SLC16A7: variants seen among roughly 807,000 people sequenced by gnomAD.
SLC16A7 encodes solute carrier family 16 member 7, also known as monocarboxylate transporter 2.
Under a neutral mutation model 34.9 loss-of-function variants are expected in SLC16A7, and 33 were observed. The ratio of observed to expected loss-of-function variants is 0.94; its 90% confidence interval spans 0.72 to 1.26. The LOEUF (loss-of-function observed/expected upper bound fraction) is 1.26. Among genes scored for constraint, SLC16A7 ranks in the 50% most tolerant of loss-of-function variants. The pLI is 0.00. For synonymous variants in SLC16A7, 201 were observed against 206.6 expected, an observed-to-expected ratio of 0.97 and a Z score of 0.23; for missense variants, 573 against 578.1, an observed-to-expected ratio of 0.99 and a Z score of 0.09.
At position 59,773,684 on chromosome 12, in the gene SLC16A7, C is replaced by A. The variant is rs548582004; in HGVS notation, c.362-973C>A. Among the ~76,000 whole-genome samples, 4 of 152,118 alleles carry A rather than the reference C, an allele frequency of 2.6e-5. No individual in the cohort carries two copies. The East Asian group carries it at 7.8e-4, about 30-fold the overall frequency. ...AGTCCAAGCGATTCTCTTGCCTCAG[C>A]CTACCAAGTAGCTGGGATTACAGGC... On this transcript the variant is annotated intron_variant, in intron 4 of 5. Coordinates refer to ENST00000547379, the MANE Select transcript of SLC16A7 (RefSeq NM_001270623.2).
In SLC16A7 at chr12:59,622,328, T is replaced by C. The variant is rs566830710; in HGVS notation, c.-130+26092T>C. ...ATTTAAAATAGAACACAGAACTTGG[T>C]CAAACATTTCAGTCCTACATATATT... On this transcript the variant is annotated intron_variant, in intron 1 of 5. Transcript: ENST00000547379. Among the ~76,000 whole-genome samples, 47 of 151,992 alleles carry C rather than the reference T, an allele frequency of 3.1e-4. No individual in the cohort carries two copies. In the East Asian group the frequency reaches 8.7e-3, roughly 28 times the overall value.
chr12:59,668,711 A>C (rs1869420438), intron 2 of SLC16A7, among the ~76,000 whole-genome samples: 1 of 152,160 alleles, frequency 6.6e-6, no homozygotes, highest in African/African-American at 2.4e-5. Context: ...GATGGGTTTT[A>C]AAATGTGAAA....
chr12:59,744,907 C>T (rs1878729123), intron 3 of SLC16A7, among the ~76,000 whole-genome samples: 1 of 152,124 alleles, frequency 6.6e-6, no homozygotes, highest in Non-Finnish European at 1.5e-5. Context: ...GGAGTTTGCC[C>T]CTGCCAGTGC....
At chr12:59,747,847 T>G (rs1442518004) in intron 3 of SLC16A7, among the ~76,000 whole-genome samples, 1 of 152,258 alleles carries the variant, frequency 6.6e-6, no homozygotes, top group Non-Finnish European at 1.5e-5. Context: ...TTACTTCACT[T>G]GATCCTCCAA....
intron 3 of SLC16A7, chr12:59,761,103 C>G (rs753656308): frequency 3.3e-4 from 391 of 1,187,036 alleles, no homozygotes; most frequent in Non-Finnish European, 4.2e-4. Flanking sequence ...GAAGTTACTG[C>G]AAAATGTACT....
intron 3 of SLC16A7, among the ~76,000 whole-genome samples, chr12:59,735,251 T>C (rs1386067894): frequency 6.6e-6 from 1 of 152,206 alleles, no homozygotes; most frequent in Non-Finnish European, 1.5e-5. Context: ...TTCAGTATTA[T>C]TCTCATCACA....
intron 1 of SLC16A7, among the ~76,000 whole-genome samples, chr12:59,617,730 A>G (rs1420560920): frequency 2.6e-5 from 4 of 151,954 alleles, no homozygotes; most frequent in Admixed American, 2.0e-4. Context: ...GTCTGAATTA[A>G]TTGTTGAGAC....
At chr12:59,773,115 A>C (rs887118658) in intron 4 of SLC16A7, among the ~76,000 whole-genome samples, 7 of 152,052 alleles carry the variant, frequency 4.6e-5, no homozygotes, top group Non-Finnish European at 1.0e-4. Context: ...AAAAAAAAAA[A>C]AACCTTAAGC....
intron 1 of SLC16A7, among the ~76,000 whole-genome samples, chr12:59,653,290 CTAA>C (rs1009853347): frequency 6.6e-6 from 1 of 151,620 alleles, no homozygotes; most frequent in African/African-American, 2.4e-5. Context: ...ACTTCCTTAA[CTAA>C]TGATTCTCAA....
chr12:59,616,723 A>G (rs527287512), intron 1 of SLC16A7, among the ~76,000 whole-genome samples: 1 of 152,190 alleles, frequency 6.6e-6, no homozygotes, highest in Non-Finnish European at 1.5e-5. Context: ...GGAAAAAAGT[A>G]TAGGTCATGG....
chr12:59,598,501 C>T (rs1462002163), intron 1 of SLC16A7, among the ~76,000 whole-genome samples: 3 of 151,132 alleles, frequency 2.0e-5, no homozygotes, highest in Non-Finnish European at 4.4e-5. Context: ...TTTTTTTTCT[C>T]CTCTTGATGG....
chr12:59,672,933 G>T (rs565814746), intron 2 of SLC16A7, among the ~76,000 whole-genome samples: 1 of 152,254 alleles, frequency 6.6e-6, no homozygotes, highest in Admixed American at 6.5e-5. Context: ...TTCTGCAAGT[G>T]TACTTTATAG....
rs192717266 is a variant in SLC16A7 at position 59,613,034 on chromosome 12, C to T, written c.-130+16798C>T. ...TTACAGCAGCACCCCACTCCTGGTA[C>T]CAATTTACTGTATTAATATGTTCTC... On this transcript the variant is annotated intron_variant, in intron 1 of 5. Coordinates refer to ENST00000547379, the MANE Select transcript of SLC16A7 (RefSeq NM_001270623.2). 9.8e-5 allele frequency among the ~76,000 whole-genome samples: 15 copies of T among 152,296 alleles called. No individual in the cohort carries two copies. In the East Asian group the frequency reaches 2.7e-3, roughly 27 times the overall value.
intron 5 of SLC16A7, among the ~76,000 whole-genome samples, chr12:59,776,620 C>G (rs919284205): frequency 1.3e-5 from 2 of 152,074 alleles, no homozygotes; most frequent in Non-Finnish European, 2.9e-5. Flanking sequence ...AGGAACCATT[C>G]TGAAAGTGTG....
At chr12:59,760,319 T>C (rs1880870348) in intron 3 of SLC16A7, among the ~76,000 whole-genome samples, 1 of 152,090 alleles carries the variant, frequency 6.6e-6, no homozygotes, top group Non-Finnish European at 1.5e-5. Flanking sequence ...TGAACACATC[T>C]CTAGGTCCTC....
intron 2 of SLC16A7, among the ~76,000 whole-genome samples, chr12:59,664,026 T>G (rs899816540): frequency 6.6e-6 from 1 of 152,078 alleles, no homozygotes; most frequent in African/African-American, 2.4e-5. Context: ...GGCATGCTGT[T>G]TGATAGAGAG....
intron 1 of SLC16A7, among the ~76,000 whole-genome samples, chr12:59,637,393 G>A (rs1365147259): frequency 2.0e-5 from 3 of 151,078 alleles, no homozygotes; most frequent in Admixed American, 6.6e-5. Context: ...AGAGTGACTA[G>A]TTATTTTCAC....
intron 3 of SLC16A7, among the ~76,000 whole-genome samples, chr12:59,743,171 G>C (rs923868405): frequency 3.9e-5 from 6 of 152,288 alleles, no homozygotes; most frequent in East Asian, 3.9e-4. Context: ...TGTTTAAAAA[G>C]AGAAATTTAG....
chr12:59,614,467 ATGGT>A (rs1165801489), intron 1 of SLC16A7, among the ~76,000 whole-genome samples: 1 of 152,184 alleles, frequency 6.6e-6, no homozygotes. Flanking sequence ...ATAATATAAT[ATGGT>A]TGAAGTGCCA....
Sources: allele counts gnomAD v4.1 joint callset (sites outside exome capture counted in the v4.1 genomes callset), GRCh38; gene constraint gnomAD v4.1.1; transcripts MANE v1.5; gene names NCBI Gene and HGNC (gene_info 2026-07-23, HGNC 2026-07-21).